The following GLIS3 variants were observed in gnomAD, a reference collection of about 807,000 sequenced individuals.
The protein encoded by GLIS3 is GLIS family zinc finger 3, also known as zinc finger protein GLIS3.
In GLIS3, 53 loss-of-function variants were observed where a neutral mutation model predicts 78.6. The observed-to-expected ratio is 0.67, with a 90% CI of 0.54 to 0.85. The LOEUF (loss-of-function observed/expected upper bound fraction) is 0.85, where lower values mean the gene tolerates loss of function less well. Among genes scored for constraint, GLIS3 ranks in the 40% least tolerant of loss-of-function variants. GLIS3 has a pLI of 0.00. For synonymous variants in GLIS3, 684 were observed against 509.9 expected (o/e 1.34, Z -4.60); for missense variants, 1,703 against 1,231.1 (o/e 1.38, Z -5.74).
At chr9:3,867,549 T>G (rs918775055) in intron 8 of GLIS3, among the ~76,000 whole-genome samples, 4 of 152,222 alleles carry the variant, frequency 2.6e-5, no homozygotes, top group African/African-American at 9.6e-5. Context: ...ACCAGAAATT[T>G]TCCATAGATT....
chr9:4,031,306 TA>T (rs1308723188), intron 4 of GLIS3, among the ~76,000 whole-genome samples: 5 of 152,146 alleles, frequency 3.3e-5, no homozygotes, highest in Non-Finnish European at 5.9e-5. Flanking sequence ...TATTCAGCTA[TA>T]AAAAATGAAT....
intron 2 of GLIS3, among the ~76,000 whole-genome samples, chr9:4,311,564 C>T (rs986971525): frequency 6.6e-6 from 1 of 152,220 alleles, no homozygotes; most frequent in East Asian, 1.9e-4. Flanking sequence ...GCCCACTCTC[C>T]CTCCCTCCCA....
chr9:3,828,688 C>T, intron 10 of GLIS3, among the ~76,000 whole-genome samples: 1 of 152,132 alleles, frequency 6.6e-6, no homozygotes. Context: ...CAAAAAGGAG[C>T]TGGTGTTAAG....
chr9:4,445,280 T>G, the GLIS3 span, among the ~76,000 whole-genome samples: 1 of 152,198 alleles, frequency 6.6e-6, no homozygotes, highest in South Asian at 2.1e-4. Context: ...TTTTCATCAC[T>G]GTTTTTATTA....
intron 2 of GLIS3, among the ~76,000 whole-genome samples, chr9:4,222,753 T>G (rs1456024935): frequency 1.3e-5 from 2 of 152,232 alleles, no homozygotes; most frequent in Non-Finnish European, 2.9e-5. Flanking sequence ...ATACTTTAAC[T>G]GTGGGCTCGC....
chr9:3,976,676 G>A (rs1470447264), intron 4 of GLIS3, among the ~76,000 whole-genome samples: 3 of 151,198 alleles, frequency 2.0e-5, no homozygotes, highest in South Asian at 4.2e-4. Flanking sequence ...GCAAGAGCCA[G>A]AAGTGAAGAA....
chr9:4,458,729 C>T, the GLIS3 span, among the ~76,000 whole-genome samples: 5 of 152,228 alleles, frequency 3.3e-5, no homozygotes, highest in Non-Finnish European at 7.4e-5. Context: ...ACCCGGGAGG[C>T]AGAGGTTGTG....
chr9:4,443,709 G>T, the GLIS3 span, among the ~76,000 whole-genome samples: 1 of 152,316 alleles, frequency 6.6e-6, no homozygotes, highest in African/African-American at 2.4e-5. Context: ...GTGGCTGTGG[G>T]GAACAGGAAA....
At chr9:4,211,299 T>C (rs138381311) in intron 2 of GLIS3, among the ~76,000 whole-genome samples, 1 of 152,310 alleles carries the variant, frequency 6.6e-6, no homozygotes, top group East Asian at 1.9e-4. Flanking sequence ...ATGCAAACAA[T>C]ATAATTCTCA....
intron 4 of GLIS3, among the ~76,000 whole-genome samples, chr9:4,084,635 G>C (rs1320394536): frequency 3.3e-5 from 5 of 152,158 alleles, no homozygotes; most frequent in African/African-American, 9.7e-5. Context: ...CGTGGTAACA[G>C]AGTGTTCTTT....
At chr9:4,285,782 T>G in intron 2 of GLIS3, 1 of 496,548 alleles carries the variant, frequency 2.0e-6, no homozygotes, top group Non-Finnish European at 3.6e-6. Flanking sequence ...CCTCCCTATT[T>G]TTTATCTTTC....
chr9:3,934,335 C>G (rs1228003133), intron 5 of GLIS3, among the ~76,000 whole-genome samples: 1 of 151,632 alleles, frequency 6.6e-6, no homozygotes, highest in African/African-American at 2.4e-5. Context: ...TGACTATTAA[C>G]AAATTATATA....
At chr9:4,352,748 G>A (rs1817990405), upstream of GLIS3, among the ~76,000 whole-genome samples, 1 of 152,208 alleles carries the variant, frequency 6.6e-6, no homozygotes, top group African/African-American at 2.4e-5. Context: ...CTGGCTCTTG[G>A]CAACAATACT....
intron 2 of GLIS3, among the ~76,000 whole-genome samples, chr9:4,195,392 G>C (rs10974385): frequency 1.3e-5 from 2 of 152,070 alleles, no homozygotes; most frequent in Non-Finnish European, 2.9e-5. Context: ...CACACTCGGA[G>C]AGGCCAGCCG....
intron 4 of GLIS3, among the ~76,000 whole-genome samples, chr9:4,056,520 T>A (rs1317339768): frequency 6.6e-6 from 1 of 152,072 alleles, no homozygotes; most frequent in African/African-American, 2.4e-5. Context: ...AACCTAAGAT[T>A]CAAATGCCAG....
chr9:4,447,714 G>C, the GLIS3 span, among the ~76,000 whole-genome samples: 1 of 152,032 alleles, frequency 6.6e-6, no homozygotes, highest in Non-Finnish European at 1.5e-5. Context: ...TTCTCCATTA[G>C]ATGGCTTCAT....
At chr9:3,830,913 G>A (rs1818007710) in intron 9 of GLIS3, among the ~76,000 whole-genome samples, 1 of 152,126 alleles carries the variant, frequency 6.6e-6, no homozygotes, top group African/African-American at 2.4e-5. Context: ...CCACAATGTA[G>A]CCTGTGTAAC....
chr9:4,338,087 T>C (rs1403683527), intron 2 of GLIS3, among the ~76,000 whole-genome samples: 1 of 151,700 alleles, frequency 6.6e-6, no homozygotes, highest in Non-Finnish European at 1.5e-5. Flanking sequence ...GCAAAAACTG[T>C]ATTTGTCCAT....
At chr9:4,248,203 A>G (rs1823989629) in intron 2 of GLIS3, among the ~76,000 whole-genome samples, 1 of 151,766 alleles carries the variant, frequency 6.6e-6, no homozygotes. Flanking sequence ...CCTGTCATCT[A>G]CATTACTTAT....
Sources: gnomAD v4.1 joint callset for allele counts (sites outside exome capture counted in the v4.1 genomes callset) on GRCh38, gnomAD v4.1.1 for gene constraint, MANE v1.5 for transcripts, NCBI Gene and HGNC (gene_info 2026-07-23, HGNC 2026-07-21) for gene names.